Variants in ADGRV1 observed in about 807,000 individuals in gnomAD.
The protein encoded by ADGRV1 is G-protein coupled receptor 98.
ADGRV1 carries 359 observed loss-of-function variants against 596.2 expected under a neutral mutation model. The observed-to-expected ratio is 0.60, with a 90% CI of 0.55 to 0.66. The LOEUF (loss-of-function observed/expected upper bound fraction) is 0.66. Among genes scored for constraint, ADGRV1 ranks in the 30% least tolerant of loss-of-function variants. The probability of loss-of-function intolerance (pLI) is 0.00; values close to 1 mark genes in which losing one functional copy is unlikely to be tolerated. For missense variants in ADGRV1, 7,274 were observed against 7,575.6 expected (o/e 0.96, Z 1.48); for synonymous variants, 2,681 against 2,679.2 (o/e 1.00, Z -0.02).
At chr5:90,645,522 C>T (rs1580574301) in intron 15 of ADGRV1, among the ~76,000 whole-genome samples, 3 of 152,196 alleles carry the variant, frequency 2.0e-5, no homozygotes, top group Middle Eastern at 3.4e-3. Flanking sequence ...CCTTTATGAC[C>T]CATGCAGTTA....
chr5:90,860,654 AAATT>A (rs957059056), intron 82 of ADGRV1, among the ~76,000 whole-genome samples: 1 of 152,124 alleles, frequency 6.6e-6, no homozygotes, highest in African/African-American at 2.4e-5. Flanking sequence ...TTTGAAATTA[AAATT>A]AATTAAAATT....
At chr5:90,955,255 C>T (rs1398605178) in intron 83 of ADGRV1, among the ~76,000 whole-genome samples, 1 of 152,168 alleles carries the variant, frequency 6.6e-6, no homozygotes, top group East Asian at 1.9e-4. Flanking sequence ...CCCGAACTGA[C>T]TCAGACACAT....
At chr5:91,145,377 A>G (rs1406599426) in intron 87 of ADGRV1, among the ~76,000 whole-genome samples, 1 of 152,236 alleles carries the variant, frequency 6.6e-6, no homozygotes, top group Non-Finnish European at 1.5e-5. Context: ...TTACCCTATC[A>G]CTTCACAACA....
chr5:91,086,011 C>T (rs927058713), intron 86 of ADGRV1, among the ~76,000 whole-genome samples: 1 of 152,122 alleles, frequency 6.6e-6, no homozygotes, highest in African/African-American at 2.4e-5. Flanking sequence ...ATCTGCATAT[C>T]CTTCAATTCT....
chr5:91,112,928 T>C (rs1458973996), intron 87 of ADGRV1, among the ~76,000 whole-genome samples: 1 of 152,170 alleles, frequency 6.6e-6, no homozygotes, highest in Non-Finnish European at 1.5e-5. Flanking sequence ...TGCAAATCAT[T>C]ATAGATGAAT....
intron 75 of ADGRV1, among the ~76,000 whole-genome samples, chr5:90,818,962 G>T (rs1293377392): frequency 1.3e-5 from 2 of 151,756 alleles, no homozygotes; most frequent in South Asian, 4.2e-4. Flanking sequence ...CTCTTTTTCT[G>T]TTGATTGGAA....
At chr5:90,760,944 A>G (rs1482395152) in intron 58 of ADGRV1, among the ~76,000 whole-genome samples, 1 of 152,148 alleles carries the variant, frequency 6.6e-6, no homozygotes, top group Non-Finnish European at 1.5e-5. Context: ...CTTACCTTTC[A>G]AAAGAAATTC....
At chr5:90,825,958 T>G (rs1217103552) in intron 76 of ADGRV1, 1 of 152,132 alleles carries the variant, frequency 6.6e-6, no homozygotes, top group African/African-American at 2.4e-5. Context: ...TTTCAAGACA[T>G]TTTTTCCCTC....
chr5:90,706,682 A>T (rs1748648782), intron 38 of ADGRV1, among the ~76,000 whole-genome samples: 2 of 151,576 alleles, frequency 1.3e-5, no homozygotes, highest in South Asian at 4.2e-4. Context: ...GCATTTTAAG[A>T]CATCAAGTTT....
At chr5:90,640,714 A>T (rs970321456) in intron 11 of ADGRV1, 1 of 152,574 alleles carries the variant, frequency 6.6e-6, no homozygotes, top group African/African-American at 2.4e-5. Flanking sequence ...GGAAAAAAGG[A>T]AGCCTTTCTT....
chr5:90,679,789 T>A (rs1744700865), intron 26 of ADGRV1, among the ~76,000 whole-genome samples, 160 bp downstream of exon 26: 1 of 152,170 alleles, frequency 6.6e-6, no homozygotes, highest in Non-Finnish European at 1.5e-5. Flanking sequence ...ATGATTTCCT[T>A]CATGTTGTAG....
chr5:90,689,751 G>T (rs1413599412), intron 29 of ADGRV1, 110 bp from the exon 30 acceptor site: 1 of 694,550 alleles, frequency 1.4e-6, no homozygotes, highest in Non-Finnish European at 2.4e-6. Flanking sequence ...CCTCAAAAAA[G>T]TATTTCCAAG....
At chr5:90,814,166 T>C (rs936886013) in intron 74 of ADGRV1, among the ~76,000 whole-genome samples, 9 of 152,188 alleles carry the variant, frequency 5.9e-5, no homozygotes, top group African/African-American at 2.2e-4. Context: ...AGTGATTAAT[T>C]GGTGAGGATG....
chr5:90,977,583 T>A (rs139100406), intron 84 of ADGRV1, among the ~76,000 whole-genome samples: 111 of 152,332 alleles, frequency 7.3e-4, no homozygotes, highest in African/African-American at 2.6e-3. Flanking sequence ...AGCGAATGAA[T>A]GTGTGTTTAT....
intron 85 of ADGRV1, among the ~76,000 whole-genome samples, chr5:91,068,060 A>T (rs973273691): frequency 1.3e-5 from 2 of 152,224 alleles, no homozygotes; most frequent in African/African-American, 4.8e-5. Flanking sequence ...GAAATTTATC[A>T]TTTTTATATC....
rs372604424 is a variant in ADGRV1 at position 90,830,716 on chromosome 5, C to T, written c.16611+1530C>T. Among the ~76,000 whole-genome samples, 54 of 152,218 alleles carry T rather than the reference C, an allele frequency of 3.5e-4. No homozygotes were observed. The South Asian group carries it at 0.01, about 29-fold the overall frequency. On this transcript the variant is annotated intron_variant, in intron 77 of 89. Coordinates refer to ENST00000405460, the MANE Select transcript of ADGRV1 (RefSeq NM_032119.4). Reference sequence around the variant, plus strand: ...TTTTAGGAATTTCCAGTTTTCCCTACTGAAATGGTTAATTTTATATGTCAA... The same window carrying T: ...TTTTAGGAATTTCCAGTTTTCCCTATTGAAATGGTTAATTTTATATGTCAA...
At chr5:91,079,547 A>G (rs1789156180) in intron 86 of ADGRV1, among the ~76,000 whole-genome samples, 1 of 152,244 alleles carries the variant, frequency 6.6e-6, no homozygotes, top group African/African-American at 2.4e-5. Flanking sequence ...CAATAACATC[A>G]GGAGTTGCCT....
At chr5:90,818,254 A>G (rs1438796621) in intron 75 of ADGRV1, among the ~76,000 whole-genome samples, 1 of 151,830 alleles carries the variant, frequency 6.6e-6, no homozygotes, top group Non-Finnish European at 1.5e-5. Flanking sequence ...TGATTTTTGT[A>G]CATTGATTTT....
In ADGRV1 at chr5:91,124,354, T is replaced by C. The variant is rs116348638; in HGVS notation, c.18432+22014T>C. On this transcript the variant is annotated intron_variant, in intron 87 of 89. Coordinates refer to ENST00000405460, the MANE Select transcript of ADGRV1 (RefSeq NM_032119.4). ...TTATCTCTCCAAAATCACCACAAAA[T>C]AAAATTTTTAAATGTTTGTCTTGTT... Among the ~76,000 whole-genome samples, 701 of 152,252 alleles carry C rather than the reference T, an allele frequency of 4.6e-3. 5 individuals are homozygous for C. The highest frequency in any genetic ancestry group is 0.016 in the African/African-American group (674 of 41,538).
Sources: gnomAD v4.1 joint callset for allele counts (sites outside exome capture counted in the v4.1 genomes callset) on GRCh38, gnomAD v4.1.1 for gene constraint, MANE v1.5 for transcripts, NCBI Gene and HGNC (gene_info 2026-07-23, HGNC 2026-07-21) for gene names.